Variants in LTBP1 observed in about 807,000 individuals in gnomAD.
The protein encoded by LTBP1 is latent-transforming growth factor beta-binding protein 1.
LTBP1 carries 129 observed loss-of-function variants against 207.6 expected under a neutral mutation model. The ratio of observed to expected loss-of-function variants is 0.62; its 90% CI spans 0.54 to 0.72. The LOEUF is 0.72. Ranked by LOEUF, LTBP1 falls within the 30% of genes least tolerant of loss-of-function variation. The pLI, the probability that LTBP1 is intolerant of heterozygous loss-of-function variation, is 0.00. For missense variants in LTBP1, 2,281 were observed against 2,217.2 expected, an observed-to-expected ratio of 1.03 and a Z score of -0.58; for synonymous variants, 963 against 833.7, an observed-to-expected ratio of 1.16 and a Z score of -2.67.
intron 4 of LTBP1, among the ~76,000 whole-genome samples, chr2:33,131,176 A>G (rs2081769751): frequency 6.6e-6 from 1 of 152,108 alleles, no homozygotes; most frequent in Non-Finnish European, 1.5e-5. Flanking sequence ...TCTATTCCAC[A>G]ATTATTGGGT....
chr2:33,140,592 A>C (rs542106281), intron 5 of LTBP1, among the ~76,000 whole-genome samples: 1 of 152,000 alleles, frequency 6.6e-6, no homozygotes, highest in African/African-American at 2.4e-5. Flanking sequence ...ATATCAAAGA[A>C]TTTTATTTTC....
chr2:33,153,918 G>A (rs1433596830), intron 5 of LTBP1, among the ~76,000 whole-genome samples: 1 of 152,172 alleles, frequency 6.6e-6, no homozygotes, highest in Non-Finnish European at 1.5e-5. Flanking sequence ...CTGGGGGGTG[G>A]AGGAAAAGTT....
chr2:33,139,789 A>G (rs2082494133), intron 5 of LTBP1, among the ~76,000 whole-genome samples: 1 of 152,226 alleles, frequency 6.6e-6, no homozygotes, highest in Non-Finnish European at 1.5e-5. Context: ...GGAGATGTGA[A>G]AGCAGAGGTG....
chr2:33,343,044 G>C, intron 25 of LTBP1, 81 bp downstream of exon 25: 1 of 1,473,432 alleles, frequency 6.8e-7, no homozygotes, highest in Non-Finnish European at 9.2e-7. Context: ...GAGCTTTTAA[G>C]CAGGTAATTT....
At chr2:32,965,179 T>C (rs183687237) in intron 2 of LTBP1, among the ~76,000 whole-genome samples, 271 of 152,286 alleles carry the variant, frequency 1.8e-3, no homozygotes, top group Non-Finnish European at 3.2e-3. Context: ...TATTAAATAG[T>C]GTATTTAAAT....
At chr2:33,004,811 A>ATG (rs1686572691) in intron 2 of LTBP1, among the ~76,000 whole-genome samples, 1 of 145,786 alleles carries the variant, frequency 6.9e-6, no homozygotes, top group African/African-American at 2.5e-5. Context: ...ATATATATAT[A>ATG]TATAAACATA....
At chr2:33,063,084 T>G (rs2077345603) in intron 3 of LTBP1, 1 of 152,242 alleles carries the variant, frequency 6.6e-6, no homozygotes, top group Admixed American at 6.5e-5. Context: ...CTGTCTTGAG[T>G]ACTGTAGCTT....
chr2:33,241,260 A>G (rs1487569889), intron 9 of LTBP1, among the ~76,000 whole-genome samples: 1 of 152,152 alleles, frequency 6.6e-6, no homozygotes, highest in Non-Finnish European at 1.5e-5. Context: ...GCTGATTAAA[A>G]CAGTCATAAC....
intron 3 of LTBP1, among the ~76,000 whole-genome samples, chr2:33,035,783 A>G (rs1329099494): frequency 3.3e-5 from 5 of 152,208 alleles, no homozygotes; most frequent in Non-Finnish European, 5.9e-5. Flanking sequence ...TTCTTTTTAG[A>G]AAAGAGATCG....
rs773354567 is a variant in LTBP1 at position 33,398,587 on chromosome 2, G to A, written c.*42G>A. 3 of 1,541,168 alleles carry A rather than the reference G, an allele frequency of 1.9e-6. No individual in the cohort carries two copies. In the Admixed American group the frequency reaches 5.9e-5, roughly 30 times the overall value. On this transcript the variant is annotated 3_prime_UTR_variant, in exon 34 of 34. Coordinates refer to ENST00000404816, the MANE Select transcript of LTBP1 (RefSeq NM_206943.4). ...CCTAAGCCCATATACTCTGCACTGT[G>A]TAAAGGAAAAGGGAGAAATGTATTA... is the stretch of plus-strand genomic sequence containing the variant.
At chr2:33,106,288 T>C (rs570868561) in intron 3 of LTBP1, among the ~76,000 whole-genome samples, 1 of 152,354 alleles carries the variant, frequency 6.6e-6, no homozygotes, top group African/African-American at 2.4e-5. Context: ...CAAATTCTTA[T>C]TAATGTTGAT....
At chr2:33,208,731 C>G (rs915467062) in intron 7 of LTBP1, among the ~76,000 whole-genome samples, 3 of 152,162 alleles carry the variant, frequency 2.0e-5, no homozygotes, top group Non-Finnish European at 4.4e-5. Flanking sequence ...TGAGTATTAG[C>G]AAGTAGTCTG....
In LTBP1 at chr2:33,389,691, G is replaced by A. The variant is rs373858486; in HGVS notation, c.4834+385G>A. Among the ~76,000 whole-genome samples the A allele has an allele frequency of 4.2e-4, 64 of 152,320 alleles. No homozygotes were observed. In the South Asian group the frequency reaches 0.012, roughly 29 times the overall value. Reference sequence around the variant, plus strand: ...GTCTCGCTGTGTCACCCAGGCTGGAGTGCAGTGGCACGATCTCAGCTCACT... The same window carrying A: ...GTCTCGCTGTGTCACCCAGGCTGGAATGCAGTGGCACGATCTCAGCTCACT... On this transcript the variant is annotated intron_variant, in intron 32 of 33. Transcript: ENST00000404816.
chr2:33,215,756 C>T (rs1051056918), intron 7 of LTBP1, among the ~76,000 whole-genome samples: 4 of 138,046 alleles, frequency 2.9e-5, no homozygotes, highest in South Asian at 2.3e-4. Flanking sequence ...CTCGCTCTGT[C>T]GCCAGGCTGG....
At position 33,259,800 on chromosome 2, in the gene LTBP1, C is replaced by T. The variant is rs2092962261; in HGVS notation, c.2418+190C>T. On this transcript the variant is annotated intron_variant, in intron 13 of 33. Transcript: ENST00000404816. ...CATTGTCATAGATTGGGACTCTTCT[C>T]AGTGTTAGGAAAACAATAGAGAACA... Among the ~76,000 whole-genome samples the T allele has an allele frequency of 2.0e-5, 3 of 152,164 alleles. No individual in the cohort carries two copies. In the South Asian group the frequency reaches 6.2e-4, roughly 32 times the overall value.
At chr2:33,172,806 C>G (rs1391036767) in intron 5 of LTBP1, among the ~76,000 whole-genome samples, 1 of 152,310 alleles carries the variant, frequency 6.6e-6, no homozygotes, top group East Asian at 1.9e-4. Flanking sequence ...CAAACTGTCT[C>G]TCAGACCACA....
At chr2:33,217,081 T>C (rs1477111920) in intron 7 of LTBP1, among the ~76,000 whole-genome samples, 1 of 152,194 alleles carries the variant, frequency 6.6e-6, no homozygotes, top group Non-Finnish European at 1.5e-5. Flanking sequence ...GCCTTGGGGT[T>C]ATAGGAAGAC....
intron 2 of LTBP1, among the ~76,000 whole-genome samples, chr2:33,004,321 T>G (rs1480980348): frequency 6.6e-6 from 1 of 152,128 alleles, no homozygotes; most frequent in Non-Finnish European, 1.5e-5. Context: ...TGGCCACACT[T>G]TGGCCAGTTT....
chr2:33,012,227 G>A (rs575517159), intron 2 of LTBP1, among the ~76,000 whole-genome samples: 17 of 151,846 alleles, frequency 1.1e-4, no homozygotes, highest in African/African-American at 3.6e-4. Flanking sequence ...AATGAATAAG[G>A]CATGAGTCAA....
Sources: allele counts gnomAD v4.1 joint callset (sites outside exome capture counted in the v4.1 genomes callset), GRCh38; gene constraint gnomAD v4.1.1; transcripts MANE v1.5; gene names NCBI Gene and HGNC (gene_info 2026-07-23, HGNC 2026-07-21).